MYO5B: variants seen among roughly 807,000 people sequenced by gnomAD.
MYO5B encodes the protein myosin VB, also known as unconventional myosin-Vb.
Under a neutral mutation model 229.3 loss-of-function variants are expected in MYO5B, and 143 were observed. That is an observed-to-expected ratio of 0.62 (90% CI 0.54 to 0.72). The LOEUF (loss-of-function observed/expected upper bound fraction) is 0.72. Among genes scored for constraint, MYO5B ranks in the 30% least tolerant of loss-of-function variants. The pLI, the probability that MYO5B is intolerant of heterozygous loss-of-function variation, is 0.00. For missense variants in MYO5B, 2,321 were observed against 2,331.0 expected (o/e 1.00, Z 0.09); for synonymous variants, 918 against 885.2 (o/e 1.04, Z -0.66).
chr18:50,116,985 C>T (rs983871738), intron 1 of MYO5B, among the ~76,000 whole-genome samples: 5 of 152,188 alleles, frequency 3.3e-5, no homozygotes, highest in African/African-American at 7.2e-5. Flanking sequence ...CACACTGTCA[C>T]AGCACATAAG....
chr18:50,153,795 A>AAGTG lies in MYO5B; in HGVS notation c.27+40968_27+40971dup, dbSNP rs546233830. Among the ~76,000 whole-genome samples, 63 of 152,072 alleles carry AAGTG rather than the reference A, an allele frequency of 4.1e-4. 1 individual carries two copies. The East Asian group carries it at 9.7e-3, about 23-fold the overall frequency. On this transcript the variant is annotated intron_variant, in intron 1 of 39. Coordinates refer to ENST00000285039, the MANE Select transcript of MYO5B (RefSeq NM_001080467.3). ...AAATCAACTCTACCCTTGAGTGGGG[A>AAGTG]AGTGAGTGAGTGAGTGAGCGAGCGG...
chr18:49,850,627 G>C (rs2024188517), intron 31 of MYO5B: 1 of 152,200 alleles, frequency 6.6e-6, no homozygotes, highest in Non-Finnish European at 1.5e-5. Context: ...CTGCGTGAGA[G>C]GCCAGTTGGT....
At chr18:49,985,438 G>A (rs747526817) in intron 7 of MYO5B, among the ~76,000 whole-genome samples, 1 of 152,178 alleles carries the variant, frequency 6.6e-6, no homozygotes, top group Admixed American at 6.5e-5. Context: ...GGCCCAGGTG[G>A]TGTCTTAAAA....
chr18:50,168,195 T>G (rs1052576684), intron 1 of MYO5B, among the ~76,000 whole-genome samples: 1 of 152,200 alleles, frequency 6.6e-6, no homozygotes, highest in Admixed American at 6.5e-5. Flanking sequence ...TCTAACAGCA[T>G]CCGAGTCAAA....
chr18:49,864,404 T>C, intron 27 of MYO5B, 24 bp from the exon 28 acceptor site: 1 of 1,611,774 alleles, frequency 6.2e-7, no homozygotes, highest in Non-Finnish European at 8.5e-7. Context: ...CAAGGGCCGC[T>C]GCCATTACTC....
intron 1 of MYO5B, among the ~76,000 whole-genome samples, chr18:50,178,071 CAA>C (rs1284033538): frequency 6.6e-6 from 1 of 152,196 alleles, no homozygotes; most frequent in African/African-American, 2.4e-5. Flanking sequence ...TGCTAAGCAT[CAA>C]AAAGACTCTC....
At chr18:49,994,932 A>C (rs1426760005) in intron 5 of MYO5B, among the ~76,000 whole-genome samples, 1 of 152,186 alleles carries the variant, frequency 6.6e-6, no homozygotes, top group Non-Finnish European at 1.5e-5. Context: ...TTATAATCTC[A>C]TTTAATGCTG....
chr18:49,873,599 CTCCGGTGAGAGT>C (rs1435255834), intron 26 of MYO5B, among the ~76,000 whole-genome samples: 2 of 152,242 alleles, frequency 1.3e-5, no homozygotes, highest in Non-Finnish European at 2.9e-5. Flanking sequence ...CAACCTGCTG[CTCCGGTGAGAGT>C]TCTGTACTTG....
chr18:49,894,212 C>T (rs1207680925), intron 22 of MYO5B, among the ~76,000 whole-genome samples: 1 of 152,088 alleles, frequency 6.6e-6, no homozygotes, highest in African/African-American at 2.4e-5. Flanking sequence ...CTGCAACTCC[C>T]CATTGATGGA....
intron 22 of MYO5B, among the ~76,000 whole-genome samples, chr18:49,889,005 G>A (rs1007799289): frequency 3.3e-5 from 5 of 152,160 alleles, no homozygotes; most frequent in African/African-American, 9.7e-5. Flanking sequence ...GGATTATATC[G>A]CCAGACTATC....
rs185558719 is a variant in MYO5B at position 49,872,349 on chromosome 18, C to A, written c.3538-117G>T. 53 of 939,292 alleles carry A rather than the reference C, an allele frequency of 5.6e-5. No homozygotes were observed. In the East Asian group the frequency reaches 1.2e-3, roughly 21 times the overall value. 58.2% of individuals were successfully genotyped at this position (939,292 alleles called of 1,614,324 possible). ...CCTGTGCGTGAATACCCAACACCCC[C>A]ACCCTCCACAAGTCCACTTCCTTCC... On this transcript the variant is annotated intron_variant, in intron 26 of 39. Transcript: ENST00000285039.
At chr18:50,084,721 G>C (rs1285145581) in intron 1 of MYO5B, among the ~76,000 whole-genome samples, 1 of 152,130 alleles carries the variant, frequency 6.6e-6, no homozygotes, top group Non-Finnish European at 1.5e-5. Flanking sequence ...CAGAGACACA[G>C]ATCAATGGAA....
intron 17 of MYO5B, among the ~76,000 whole-genome samples, chr18:49,914,174 G>C (rs1415818105): frequency 6.6e-6 from 1 of 152,150 alleles, no homozygotes; most frequent in Non-Finnish European, 1.5e-5. Context: ...TGACACTGGG[G>C]CTTCAGGAGT....
At chr18:50,010,474 T>A (rs775651565) in intron 4 of MYO5B, among the ~76,000 whole-genome samples, 1 of 152,208 alleles carries the variant, frequency 6.6e-6, no homozygotes, top group Non-Finnish European at 1.5e-5. Flanking sequence ...AGGTGCCAAT[T>A]CCCTTGCTCT....
chr18:49,840,223 T>A (rs1372289226), intron 35 of MYO5B: 17 of 152,260 alleles, frequency 1.1e-4, no homozygotes, highest in Admixed American at 1.1e-3. Flanking sequence ...TTGGGTAAAG[T>A]GATGGACCTC....
intron 1 of MYO5B, among the ~76,000 whole-genome samples, chr18:50,188,129 C>CA (rs1272903522): frequency 6.6e-6 from 1 of 152,156 alleles, no homozygotes; most frequent in Non-Finnish European, 1.5e-5. Flanking sequence ...GTGTATATTT[C>CA]AAAATAGTTA....
intron 21 of MYO5B, among the ~76,000 whole-genome samples, chr18:49,901,260 T>C (rs1422572884): frequency 6.6e-6 from 1 of 152,222 alleles, no homozygotes; most frequent in Non-Finnish European, 1.5e-5. Context: ...AATAAAGGTC[T>C]TCTGAAGGGA....
At chr18:49,958,709 G>A (rs916971022) in intron 12 of MYO5B, among the ~76,000 whole-genome samples, 23 of 152,076 alleles carry the variant, frequency 1.5e-4, no homozygotes, top group African/African-American at 5.3e-4. Context: ...CTCACCTCCT[G>A]CTCTCCTCAA....
At chr18:50,107,109 C>CT (rs71169479) in intron 1 of MYO5B, among the ~76,000 whole-genome samples, 9,441 of 56,688 alleles carry the variant, frequency 0.17, 2,604 homozygotes, top group Non-Finnish European at 0.21. Context: ...CTTAGGGTGC[C>CT]TTTTTTTTTT....
Sources: allele counts gnomAD v4.1 joint callset (sites outside exome capture counted in the v4.1 genomes callset), GRCh38; gene constraint gnomAD v4.1.1; transcripts MANE v1.5; gene names NCBI Gene and HGNC (gene_info 2026-07-23, HGNC 2026-07-21).